The following EFL1 variants were observed in gnomAD, a reference collection of about 807,000 sequenced individuals.
EFL1 encodes elongation factor-like GTPase 1.
Under a neutral mutation model 126.7 loss-of-function variants are expected in EFL1, and 76 were observed. The observed-to-expected ratio is 0.60, with a 90% confidence interval of 0.50 to 0.73. EFL1 has a LOEUF of 0.73. Among genes scored for constraint, EFL1 ranks in the 30% least tolerant of loss-of-function variants. EFL1 has a pLI of 0.00. For synonymous variants in EFL1, 410 were observed against 448.4 expected, an observed-to-expected ratio of 0.91 and a Z score of 1.08; for missense variants, 1,128 against 1,343.2, an observed-to-expected ratio of 0.84 and a Z score of 2.50.
intron 18 of EFL1, among the ~76,000 whole-genome samples, chr15:82,139,779 A>C (rs922922671): frequency 6.6e-6 from 1 of 152,234 alleles, no homozygotes; most frequent in Non-Finnish European, 1.5e-5. Context: ...AAACATTTAC[A>C]ACACTGCTGC....
intron 3 of EFL1, among the ~76,000 whole-genome samples, chr15:82,255,980 G>T (rs1197966302): frequency 1.3e-5 from 2 of 152,014 alleles, no homozygotes; most frequent in Non-Finnish European, 2.9e-5. Context: ...AAATCTGTTG[G>T]AATTTTTACT....
intron 16 of EFL1, 120 bp from the exon 17 acceptor site, chr15:82,157,980 T>C: frequency 8.5e-7 from 1 of 1,173,610 alleles, no homozygotes; most frequent in East Asian, 2.6e-5. Context: ...CAACAATTTA[T>C]TTTTCTTCCA....
intron 3 of EFL1, among the ~76,000 whole-genome samples, chr15:82,257,373 C>T (rs1030879840): frequency 2.6e-5 from 4 of 152,022 alleles, no homozygotes; most frequent in African/African-American, 9.7e-5. Context: ...AGTTGTGTTA[C>T]TCTTCTTTAA....
chr15:82,228,385 T>C, intron 9 of EFL1, 58 bp from the exon 10 acceptor site: 3 of 1,542,712 alleles, frequency 1.9e-6, no homozygotes, highest in Non-Finnish European at 1.7e-6. Context: ...AAACAGGCAG[T>C]GGAACCCAAC....
chr15:82,257,646 C>G (rs1317981176), intron 3 of EFL1, among the ~76,000 whole-genome samples: 1 of 152,182 alleles, frequency 6.6e-6, no homozygotes, highest in African/African-American at 2.4e-5. Flanking sequence ...CACATACTCT[C>G]TCCTCCCACC....
At chr15:82,243,598 G>A (rs2074944410) in intron 4 of EFL1, among the ~76,000 whole-genome samples, 1 of 90,810 alleles carries the variant, frequency 1.1e-5, no homozygotes, top group African/African-American at 4.5e-5. Context: ...ACCTGATACT[G>A]AAGTTTCAGA....
intron 2 of EFL1, 21 bp downstream of exon 2, chr15:82,261,667 C>A (rs762649551): frequency 1.9e-6 from 3 of 1,607,154 alleles, no homozygotes; most frequent in Admixed American, 1.7e-5. Context: ...TCAAAATAAG[C>A]CATTTAAAAA....
chr15:82,194,863 C>A (rs1476473522), intron 15 of EFL1, among the ~76,000 whole-genome samples: 1 of 152,042 alleles, frequency 6.6e-6, no homozygotes. Flanking sequence ...ATCTTGTAAT[C>A]AATGAGGCAA....
At chr15:82,202,096 T>TA (rs766700671) in intron 15 of EFL1, among the ~76,000 whole-genome samples, 49 of 152,182 alleles carry the variant, frequency 3.2e-4, no homozygotes, top group Non-Finnish European at 6.6e-4. Flanking sequence ...AACTTCCTCT[T>TA]AAAAGCTATC....
At chr15:82,151,315 T>C (rs2141227673) in intron 18 of EFL1, 150 bp downstream of exon 18, 2 of 718,058 alleles carry the variant, frequency 2.8e-6, no homozygotes, top group East Asian at 2.5e-5. Flanking sequence ...TTGAGCCTGG[T>C]AGGCAGAGGT....
chr15:82,194,495 T>C (rs966115648), intron 15 of EFL1, among the ~76,000 whole-genome samples: 3 of 152,184 alleles, frequency 2.0e-5, no homozygotes, highest in Admixed American at 1.3e-4. Context: ...TAAAATAGGA[T>C]ATACCTTCCA....
chr15:82,245,872 C>A (rs1036218048), intron 4 of EFL1, among the ~76,000 whole-genome samples: 3 of 150,604 alleles, frequency 2.0e-5, no homozygotes, highest in Non-Finnish European at 4.4e-5. Flanking sequence ...GAGTTCTGGG[C>A]TGCAGTGAGC....
intron 15 of EFL1, among the ~76,000 whole-genome samples, chr15:82,207,797 T>G (rs1435509956): frequency 6.6e-6 from 1 of 151,292 alleles, no homozygotes; most frequent in Non-Finnish European, 1.5e-5. Flanking sequence ...CTCGGCTCAC[T>G]GCAACCTCTG....
chr15:82,261,678 G>A lies in EFL1; in HGVS notation c.91+10C>T. ...TTTATCAAAATAAGCCATTTAAAAAGTATTCTTACCATGGTCAACATGAGC... is the reference window on the plus strand; with the variant it reads ...TTTATCAAAATAAGCCATTTAAAAAATATTCTTACCATGGTCAACATGAGC... On this transcript the variant is annotated intron_variant, in intron 2 of 19. Coordinates refer to ENST00000268206, the MANE Select transcript of EFL1 (RefSeq NM_024580.6). The A allele has an allele frequency of 6.2e-7, 1 of 1,612,382 alleles. No individual in the cohort carries two copies. The highest frequency in any genetic ancestry group is 1.3e-5 in the African/African-American group (1 of 74,930).
At chr15:82,193,339 C>T (rs2074378254) in intron 15 of EFL1, among the ~76,000 whole-genome samples, 1 of 152,130 alleles carries the variant, frequency 6.6e-6, no homozygotes, top group South Asian at 2.1e-4. Flanking sequence ...AGCAGCTATG[C>T]AGTAACTTAG....
At chr15:82,176,070 T>C (rs968694746) in intron 15 of EFL1, among the ~76,000 whole-genome samples, 3 of 152,198 alleles carry the variant, frequency 2.0e-5, no homozygotes, top group African/African-American at 7.2e-5. Context: ...AACTGATATT[T>C]GGCAATGGTG....
chr15:82,196,188 T>C (rs1208958862), intron 15 of EFL1, among the ~76,000 whole-genome samples: 1 of 152,202 alleles, frequency 6.6e-6, no homozygotes, highest in African/African-American at 2.4e-5. Flanking sequence ...GAATCCTCAC[T>C]GTCAGCTTCT....
chr15:82,159,637 C>T (rs74381346), intron 16 of EFL1, among the ~76,000 whole-genome samples: 10,123 of 151,996 alleles, frequency 0.067, 496 homozygotes, highest in African/African-American at 0.12. Context: ...ATTTTCTTAA[C>T]CTGTTCTTAA....
intron 19 of EFL1, among the ~76,000 whole-genome samples, chr15:82,133,161 C>T (rs1003860477): frequency 1.3e-5 from 2 of 152,176 alleles, no homozygotes; most frequent in Non-Finnish European, 2.9e-5. Flanking sequence ...TTTTATAGCA[C>T]TAAAGACACA....
Sources: allele counts gnomAD v4.1 joint callset (sites outside exome capture counted in the v4.1 genomes callset), GRCh38; gene constraint gnomAD v4.1.1; transcripts MANE v1.5; gene names NCBI Gene and HGNC (gene_info 2026-07-23, HGNC 2026-07-21).